The following SH3TC2 variants were observed in gnomAD, a reference collection of about 807,000 sequenced individuals.
SH3TC2 encodes SH3 domain and tetratricopeptide repeats 2.
SH3TC2 carries 87 observed loss-of-function variants against 124.5 expected under a neutral mutation model. The ratio of observed to expected loss-of-function variants is 0.70; its 90% CI spans 0.59 to 0.84. SH3TC2 has a LOEUF of 0.84. SH3TC2 is among the 40% of genes least tolerant of loss of function. The pLI is 0.00. For synonymous variants in SH3TC2, 634 were observed against 628.5 expected (o/e 1.01, Z -0.13); for missense variants, 1,536 against 1,566.4 (o/e 0.98, Z 0.33).
At chr5:149,007,421 G>A (rs1753709445) in intron 15 of SH3TC2, 1 of 543,570 alleles carries the variant, frequency 1.8e-6, no homozygotes, top group African/African-American at 1.9e-5. Context: ...CTACTGTAAT[G>A]CAGGATTCTG....
rs1439408224 is a variant in SH3TC2 at position 148,991,485 on chromosome 5, T to G, written c.*13226A>C. ...CCCAGGACCCAGGAGTCTTTGGAAG[T>G]TTCTTGAGTGGGCTTCCACCTTAGC... On this transcript the variant is annotated 3_prime_UTR_variant, in exon 17 of 17. Transcript: ENST00000515425. 6.6e-6 allele frequency among the ~76,000 whole-genome samples: 1 copy of G among 152,172 alleles called. No individual in the cohort carries two copies. Among genetic ancestry groups the G allele is most frequent in the East Asian group, 1.9e-4 (1 of 5,190 alleles).
At chr5:149,028,805 T>C in intron 9 of SH3TC2, 87 bp from the exon 10 acceptor site, 2 of 1,371,468 alleles carry the variant, frequency 1.5e-6, no homozygotes, top group Non-Finnish European at 2.1e-6. Context: ...ATCAGTGGCC[T>C]CTTAGGAGCC....
chr5:148,999,787 C>T lies in SH3TC2; in HGVS notation c.*4924G>A, dbSNP rs1251849785. ...TGCTTCTAGAATCATCTTTCCAAAG[C>T]ACAAATCTGACCATGTTTCTTTCAA... On this transcript the variant is annotated 3_prime_UTR_variant, in exon 17 of 17. Coordinates refer to ENST00000515425, the MANE Select transcript of SH3TC2 (RefSeq NM_024577.4). 6.6e-6 allele frequency among the ~76,000 whole-genome samples: 1 copy of T among 152,156 alleles called. No individual in the cohort carries two copies. Among genetic ancestry groups the T allele is most frequent in the African/African-American group, 2.4e-5 (1 of 41,454 alleles).
rs114217114 is a variant in SH3TC2, at chr5:148,994,097, C to G, written c.*10614G>C. ...TCAGTCTACTACCATGCATCCCAGA[C>G]AGGATGTTCAGGTGAACAAGATCTA... On this transcript the variant is annotated 3_prime_UTR_variant, in exon 17 of 17. Transcript: ENST00000515425. Among the ~76,000 whole-genome samples the G allele has an allele frequency of 6.6e-6, 1 of 152,184 alleles. No homozygotes were observed. The highest frequency in any genetic ancestry group is 2.4e-5 in the African/African-American group (1 of 41,444).
At chr5:149,044,708 C>T in intron 3 of SH3TC2, 70 bp from the exon 4 acceptor site, 5 of 1,135,858 alleles carry the variant, frequency 4.4e-6, no homozygotes, top group Non-Finnish European at 6.7e-6. Flanking sequence ...TTATATAGAC[C>T]AAATACTCTG....
intron 4 of SH3TC2, chr5:149,044,018 C>CGA: frequency 6.3e-6 from 1 of 158,088 alleles, no homozygotes; most frequent in Non-Finnish European, 1.4e-5. Context: ...GACGCTGCAT[C>CGA]CCAATGTCCT....
rs1258928619 is a variant in SH3TC2, at chr5:149,001,848, A to G, written c.*2863T>C. On this transcript the variant is annotated 3_prime_UTR_variant, in exon 17 of 17. Transcript: ENST00000515425. ...AGGAGATGTAACATGGATAGAAACAACGCTCTTCACGTATGTGTGTGTATG... is the reference window on the plus strand; with the variant it reads ...AGGAGATGTAACATGGATAGAAACAGCGCTCTTCACGTATGTGTGTGTATG... The G allele has an allele frequency of 6.6e-6, 1 of 152,194 alleles. No homozygotes were observed. Among genetic ancestry groups the G allele is most frequent in the Non-Finnish European group, 1.5e-5 (1 of 68,040 alleles). The allele number at this position is 152,194 out of a possible 1,614,324, so 9.4% of individuals were successfully genotyped here.
intron 2 of SH3TC2, among the ~76,000 whole-genome samples, chr5:149,048,704 A>T (rs570657783): frequency 2.0e-5 from 3 of 152,196 alleles, no homozygotes; most frequent in Non-Finnish European, 4.4e-5. Flanking sequence ...TTGGTAAGTG[A>T]GTAACTAGGC....
chr5:149,029,348 G>T (rs1378078602), intron 9 of SH3TC2, among the ~76,000 whole-genome samples: 1 of 152,194 alleles, frequency 6.6e-6, no homozygotes, highest in Non-Finnish European at 1.5e-5. Context: ...TGAAGTAGAG[G>T]ATGGGAGAAT....
Position 148,983,053 on chromosome 5 carries a change from T to C in SH3TC2, c.*21658A>G, listed in dbSNP as rs145964634. On this transcript the variant is annotated 3_prime_UTR_variant, in exon 17 of 17. Transcript: ENST00000515425. ...TTCCTGGGCCTCAGTGTCCCATCTA[T>C]GGGATAAAGAGGGAGAACTAGCAGG... 1.5e-3 allele frequency among the ~76,000 whole-genome samples: 223 copies of C among 152,318 alleles called. 1 individual carries two copies. Among genetic ancestry groups the C allele is most frequent in the South Asian group, 2.1e-3 (10 of 4,822 alleles).
rs557593786 is a variant in SH3TC2 at position 148,994,840 on chromosome 5, T to G, written c.*9871A>C. Among the ~76,000 whole-genome samples, 2 of 152,264 alleles carry G rather than the reference T, an allele frequency of 1.3e-5. No homozygotes were observed. The highest frequency in any genetic ancestry group is 2.1e-4 in the South Asian group (1 of 4,806). ...TTTTCTTCCTAGTCCTTTGCATATA[T>G]GCATCCAATCTCCCCCAAACAGACT... On this transcript the variant is annotated 3_prime_UTR_variant, in exon 17 of 17. Coordinates refer to ENST00000515425, the MANE Select transcript of SH3TC2 (RefSeq NM_024577.4).
chr5:148,990,643 TTAA>T lies in SH3TC2; in HGVS notation c.*14065_*14067del, dbSNP rs1417613339. On this transcript the variant is annotated 3_prime_UTR_variant, in exon 17 of 17. Transcript: ENST00000515425. ...TTTCCTCACCTATAAAATGGGCATG[TTAA>T]TAATACCACCCTTGAGGTTGTTGTG... 3.3e-5 allele frequency among the ~76,000 whole-genome samples: 5 copies of T among 152,200 alleles called. No homozygotes were observed. Among genetic ancestry groups the T allele is most frequent in the African/African-American group, 1.2e-4 (5 of 41,448 alleles).
chr5:149,018,623 C>A (rs1185880461), intron 12 of SH3TC2, among the ~76,000 whole-genome samples: 1 of 152,146 alleles, frequency 6.6e-6, no homozygotes, highest in Admixed American at 6.5e-5. Flanking sequence ...AATTACCTCC[C>A]ACCAGGTCCC....
Position 149,044,132 on chromosome 5 carries a change from G to T in SH3TC2, c.385+401C>A, listed in dbSNP as rs193079217. The T allele has an allele frequency of 1.3e-4, 26 of 194,692 alleles. 1 individual carries two copies. The highest frequency in any genetic ancestry group is 9.3e-4 in the South Asian group (10 of 10,788). 12.1% of individuals were successfully genotyped at this position (194,692 alleles called of 1,614,324 possible). A position where few individuals can be genotyped will look rare whatever the true frequency, so the allele number is the denominator to read the frequency against. ...CCAAATACATGCAATAAAACATCTG[G>T]AACTTTGCTATTGACTATGTTGAGC... On this transcript the variant is annotated intron_variant, in intron 4 of 16. Coordinates refer to ENST00000515425, the MANE Select transcript of SH3TC2 (RefSeq NM_024577.4).
At chr5:149,008,669 G>A in intron 15 of SH3TC2, 182 bp downstream of exon 15, 3 of 758,596 alleles carry the variant, frequency 4.0e-6, no homozygotes, top group Non-Finnish European at 6.6e-6. Flanking sequence ...CTGATTTGGT[G>A]ATGACAAGCT....
chr5:149,034,893 C>T (rs370232251), intron 8 of SH3TC2, among the ~76,000 whole-genome samples: 3 of 152,104 alleles, frequency 2.0e-5, no homozygotes, highest in Non-Finnish European at 2.9e-5. Context: ...TTCCTGCAAA[C>T]TTTGAAGATG....
chr5:149,013,814 G>T (rs187725875), intron 12 of SH3TC2, among the ~76,000 whole-genome samples: 184 of 152,302 alleles, frequency 1.2e-3, no homozygotes, highest in African/African-American at 4.2e-3. Flanking sequence ...GTAGTTCTCA[G>T]TCCTGGCAAC....
intron 8 of SH3TC2, among the ~76,000 whole-genome samples, chr5:149,037,198 A>G (rs1754296915): frequency 1.3e-5 from 2 of 152,060 alleles, no homozygotes; most frequent in African/African-American, 2.4e-5. Flanking sequence ...TCACTTTCCT[A>G]CCTATGACCT....
At position 148,987,022 on chromosome 5, in the gene SH3TC2, C is replaced by T. The variant is rs140373868; in HGVS notation, c.*17689G>A. 9.0e-4 allele frequency among the ~76,000 whole-genome samples: 137 copies of T among 152,228 alleles called. No individual in the cohort carries two copies. Among genetic ancestry groups the T allele is most frequent in the African/African-American group, 3.1e-3 (129 of 41,538 alleles). On this transcript the variant is annotated 3_prime_UTR_variant, in exon 17 of 17. Transcript: ENST00000515425. ...TTTTTGGAAAATGAAATATTAATTC[C>T]CCAGCTAATGTATTTCATGGTAGTT... is the stretch of plus-strand genomic sequence containing the variant.
Sources: gnomAD v4.1 joint callset for allele counts (sites outside exome capture counted in the v4.1 genomes callset) on GRCh38, gnomAD v4.1.1 for gene constraint, MANE v1.5 for transcripts, NCBI Gene and HGNC (gene_info 2026-07-23, HGNC 2026-07-21) for gene names.